The following NBAS variants were observed in gnomAD, a reference collection of about 807,000 sequenced individuals.
NBAS encodes the protein NBAS subunit of NRZ tethering complex.
Under a neutral mutation model 302.5 loss-of-function variants are expected in NBAS, and 219 were observed. The ratio of observed to expected loss-of-function variants is 0.72; its 90% confidence interval spans 0.65 to 0.81. NBAS has a LOEUF of 0.81. NBAS is among the 30% of genes least tolerant of loss of function. The pLI is 0.00. For missense variants in NBAS, 2,932 were observed against 2,841.6 expected (o/e 1.03, Z -0.72); for synonymous variants, 1,118 against 1,021.6 (o/e 1.09, Z -1.80).
the NBAS span, among the ~76,000 whole-genome samples, chr2:15,021,012 A>G: frequency 2.1e-3 from 327 of 152,272 alleles, 1 homozygote; most frequent in Non-Finnish European, 3.6e-3. Flanking sequence ...CTGGTGGATC[A>G]CTTGAGGTCA....
At position 15,231,798 on chromosome 2, in the gene NBAS, A is replaced by C. The variant is rs564784923; in HGVS notation, c.6236+624T>G. On this transcript the variant is annotated intron_variant, in intron 47 of 51. Transcript: ENST00000281513. ...TATCATATTTTCAATTAAAGAAAGA[A>C]AATTGGGGAGAGGACTTACATGGCT... 3.3e-5 allele frequency among the ~76,000 whole-genome samples: 5 copies of C among 152,276 alleles called. No homozygotes were observed. In the South Asian group the frequency reaches 8.3e-4, roughly 25 times the overall value.
chr2:14,979,378 A>G, the NBAS span, among the ~76,000 whole-genome samples: 201 of 152,350 alleles, frequency 1.3e-3, no homozygotes, highest in African/African-American at 4.7e-3. Context: ...TCTATTTATC[A>G]GTGGTCAGGG....
chr2:14,993,336 A>G, the NBAS span, among the ~76,000 whole-genome samples: 1 of 152,150 alleles, frequency 6.6e-6, no homozygotes, highest in East Asian at 1.9e-4. Flanking sequence ...ACCACATCCA[A>G]GACAAATTGT....
chr2:15,244,739 G>C (rs2147964536), intron 44 of NBAS, among the ~76,000 whole-genome samples: 1 of 152,248 alleles, frequency 6.6e-6, no homozygotes, highest in Middle Eastern at 3.4e-3. Context: ...CTAGGACCCT[G>C]GGTGGTTTCC....
the NBAS span, among the ~76,000 whole-genome samples, chr2:15,035,562 C>T: frequency 1.3e-5 from 2 of 152,100 alleles, no homozygotes; most frequent in African/African-American, 4.8e-5. Flanking sequence ...CAGCACTATT[C>T]ACAATAGCCA....
At chr2:15,059,952 A>C in the NBAS span, among the ~76,000 whole-genome samples, 1,974 of 102,028 alleles carry the variant, frequency 0.019, 21 homozygotes, top group South Asian at 0.029. Context: ...GCTGCTAAAA[A>C]AAAAAAAAAA....
At chr2:15,339,633 CAAAGCATGTCAGA>C (rs199827438) in intron 35 of NBAS, among the ~76,000 whole-genome samples, 6,106 of 152,054 alleles carry the variant, frequency 0.04, 337 homozygotes, top group African/African-American at 0.13. Flanking sequence ...AAAATAAATA[CAAAGCATGTCAGA>C]AAAGCATGTC....
At chr2:15,416,144 C>T (rs551932567) in intron 24 of NBAS, among the ~76,000 whole-genome samples, 3 of 151,880 alleles carry the variant, frequency 2.0e-5, no homozygotes, top group South Asian at 2.1e-4. Flanking sequence ...GAAAAGGAGA[C>T]CTTAGACCAA....
Position 15,238,983 on chromosome 2 carries a change from C to T in NBAS, c.5725-297G>A, listed in dbSNP as rs574096716. Among the ~76,000 whole-genome samples, 6 of 152,228 alleles carry T rather than the reference C, an allele frequency of 3.9e-5. No individual in the cohort carries two copies. The East Asian group carries it at 1.2e-3, about 29-fold the overall frequency. On this transcript the variant is annotated intron_variant, in intron 44 of 51. Coordinates refer to ENST00000281513, the MANE Select transcript of NBAS (RefSeq NM_015909.4). The stretch of plus-strand genomic sequence containing the variant: ...GTGCAAAAATGAGGAGTCATTTCTA[C>T]AGCCATATTCCCAGTTCTGATCACT...
At chr2:15,074,815 T>C in the NBAS span, among the ~76,000 whole-genome samples, 1 of 152,088 alleles carries the variant, frequency 6.6e-6, no homozygotes, top group African/African-American at 2.4e-5. Flanking sequence ...AAGTAATAGA[T>C]CTCAAGCACC....
At chr2:15,070,297 A>G in the NBAS span, among the ~76,000 whole-genome samples, 2 of 152,188 alleles carry the variant, frequency 1.3e-5, no homozygotes, top group Non-Finnish European at 2.9e-5. Flanking sequence ...GATAGACCAC[A>G]GCTCTTTTTG....
At chr2:15,012,920 C>T in the NBAS span, among the ~76,000 whole-genome samples, 36 of 151,974 alleles carry the variant, frequency 2.4e-4, no homozygotes, top group African/African-American at 8.2e-4. Flanking sequence ...TACAGTGGTG[C>T]AATCTCAGCT....
chr2:15,447,897 G>A (rs1272262628), intron 21 of NBAS, among the ~76,000 whole-genome samples: 10 of 152,142 alleles, frequency 6.6e-5, no homozygotes, highest in Admixed American at 6.5e-4. Flanking sequence ...CAAAATCAAG[G>A]GTTTGGTTTC....
At chr2:15,526,055 C>A (rs1307518911) in intron 9 of NBAS, among the ~76,000 whole-genome samples, 1 of 151,986 alleles carries the variant, frequency 6.6e-6, no homozygotes, top group Non-Finnish European at 1.5e-5. Flanking sequence ...TCTAACAATG[C>A]AGAGATCAGA....
the NBAS span, among the ~76,000 whole-genome samples, chr2:14,792,622 C>T: frequency 6.6e-6 from 1 of 151,718 alleles, no homozygotes; most frequent in African/African-American, 2.4e-5. Flanking sequence ...GACAAAATCC[C>T]ACATGTTAAC....
At chr2:15,152,704 T>C in the NBAS span, among the ~76,000 whole-genome samples, 3 of 152,188 alleles carry the variant, frequency 2.0e-5, no homozygotes, top group African/African-American at 4.8e-5. Flanking sequence ...TTCTAGTAAA[T>C]TTGTTTATAG....
chr2:14,915,967 G>A, the NBAS span, among the ~76,000 whole-genome samples: 1 of 152,056 alleles, frequency 6.6e-6, no homozygotes, highest in Non-Finnish European at 1.5e-5. Flanking sequence ...ATGATTGTGA[G>A]GCCTCCCCAG....
At chr2:14,808,450 G>C in the NBAS span, among the ~76,000 whole-genome samples, 1 of 152,154 alleles carries the variant, frequency 6.6e-6, no homozygotes, top group African/African-American at 2.4e-5. Context: ...CTGGGGGCGG[G>C]TATTTCCCAT....
the NBAS span, among the ~76,000 whole-genome samples, chr2:14,998,632 C>G: frequency 6.6e-6 from 1 of 152,226 alleles, no homozygotes; most frequent in Non-Finnish European, 1.5e-5. Context: ...CCATTCCCTT[C>G]CCTTCACAGT....
Sources: allele counts gnomAD v4.1 joint callset (sites outside exome capture counted in the v4.1 genomes callset), GRCh38; gene constraint gnomAD v4.1.1; transcripts MANE v1.5; gene names NCBI Gene and HGNC (gene_info 2026-07-23, HGNC 2026-07-21).